Variants in WWC1 observed in about 807,000 individuals in gnomAD.
WWC1 encodes WW and C2 domain containing 1.
In WWC1, 55 loss-of-function variants were observed where a neutral mutation model predicts 138.4. That is an observed-to-expected ratio of 0.40 (90% confidence interval 0.32 to 0.50). The LOEUF (loss-of-function observed/expected upper bound fraction) is 0.50, where lower values mean the gene tolerates loss of function less well. Among genes scored for constraint, WWC1 ranks in the 20% least tolerant of loss-of-function variants. WWC1 has a pLI of 0.72. For missense variants in WWC1, 1,226 were observed against 1,420.4 expected (o/e 0.86, Z 2.20); for synonymous variants, 524 against 564.9 (o/e 0.93, Z 1.03).
chr5:168,422,047 A>C lies in WWC1; in HGVS notation c.1224A>C (p.Glu408Asp). The C allele has an allele frequency of 6.2e-7, 1 of 1,612,640 alleles. No homozygotes were observed. The highest frequency in any genetic ancestry group is 8.5e-7 in the Non-Finnish European group (1 of 1,179,134). ...GTAAGAGGAACCAGCTTGTGAGAGA[A>C]CTGGAGGAAGCCACCCGGCAGGTGG... ...LNSKRNQLVR[E>D]LEEATRQVAT... is the part of the protein sequence containing the mutation. Residue 408 changes from glutamate to aspartate, a missense_variant, in exon 10 of 23, where the codon GAA (glutamate) becomes GAC (aspartate). This residue lies in a region of WWC1 where 1,016 missense variants were observed against 1,153.9 expected (regional missense o/e 0.88). Transcript: ENST00000265293.
chr5:168,374,616 G>C (rs1777032854), intron 2 of WWC1, among the ~76,000 whole-genome samples: 1 of 152,222 alleles, frequency 6.6e-6, no homozygotes, highest in Admixed American at 6.5e-5. Flanking sequence ...TCAGGCAGTG[G>C]TCTGCCCCAG....
At chr5:168,387,495 T>C (rs759697997) in intron 3 of WWC1, among the ~76,000 whole-genome samples, 11 of 152,212 alleles carry the variant, frequency 7.2e-5, no homozygotes, top group Non-Finnish European at 1.3e-4. Context: ...GCACTTAATC[T>C]GTCTTAGTCG....
intron 3 of WWC1, among the ~76,000 whole-genome samples, chr5:168,391,092 A>G (rs1778449561): frequency 6.6e-6 from 1 of 152,210 alleles, no homozygotes; most frequent in Non-Finnish European, 1.5e-5. Context: ...GTCAAATGCT[A>G]AGGCTCTTCA....
chr5:168,335,516 C>T (rs532937458), intron 1 of WWC1, among the ~76,000 whole-genome samples: 40 of 152,330 alleles, frequency 2.6e-4, no homozygotes, highest in Non-Finnish European at 5.4e-4. Flanking sequence ...CTTTGTGTAT[C>T]TCATTTGAGC....
In WWC1 at chr5:168,431,360, A is replaced by G. The variant is rs1781921464; in HGVS notation, c.2196A>G (p.Val732=). Residue 732 remains valine, a synonymous_variant, in exon 15 of 23, where the codon GTA becomes GTG. Coordinates refer to ENST00000265293, the MANE Select transcript of WWC1 (RefSeq NM_015238.3). ...TAGTGTTCAATGAGGTGTTCTGGGT[A>G]TCCATGTCCTATCCAGCCCTTCACC... ...DTLVFNEVFW[V]SMSYPALHQK... 1 of 1,614,022 alleles carries G rather than the reference A, an allele frequency of 6.2e-7. No individual in the cohort carries two copies. The highest frequency in any genetic ancestry group is 8.5e-7 in the Non-Finnish European group (1 of 1,180,002).
At position 168,371,507 on chromosome 5, in the gene WWC1, G is replaced by C; in HGVS notation, c.203G>C (p.Gly68Ala). 1 of 1,614,012 alleles carries C rather than the reference G, an allele frequency of 6.2e-7. No homozygotes were observed. The highest frequency in any genetic ancestry group is 8.5e-7 in the Non-Finnish European group (1 of 1,179,972). ...GAAGAGGCATATGACCCACAGGTTG[G>C]AGATTACTTCATAGACCACAACACC... ...GWEEAYDPQV[G>A]DYFIDHNTKT... Residue 68 changes from glycine (G) to alanine (A), a missense_variant, in exon 2 of 23, where the codon GGA becomes GCA. Gly to Ala is a moderately conservative substitution (Grantham distance 60). Transcript: ENST00000265293.
intron 15 of WWC1, among the ~76,000 whole-genome samples, chr5:168,439,844 C>A (rs7712789): frequency 6.6e-6 from 1 of 152,004 alleles, no homozygotes; most frequent in Non-Finnish European, 1.5e-5. Flanking sequence ...TTTACATTTC[C>A]ACGAGCAAGG....
At chr5:168,415,813 G>GGGGGGTGTGTGT (rs1561732878) in intron 9 of WWC1, 1 of 10,746 alleles carries the variant, frequency 9.3e-5, no homozygotes, top group Non-Finnish European at 3.2e-4. Flanking sequence ...GGGGGGGGGG[G>GGGGGGTGTGTGT]GCGTGTGTGT....
At chr5:168,336,614 A>C (rs1478419752) in intron 1 of WWC1, among the ~76,000 whole-genome samples, 1 of 147,658 alleles carries the variant, frequency 6.8e-6, no homozygotes, top group Non-Finnish European at 1.5e-5. Flanking sequence ...TGTGATCTCC[A>C]TCCTCCTCAG....
intron 9 of WWC1, 181 bp downstream of exon 9, chr5:168,414,771 G>A: frequency 1.1e-6 from 1 of 915,288 alleles, no homozygotes; most frequent in South Asian, 2.1e-5. Context: ...GCCATCCAGT[G>A]CGCCAGCTAC....
Position 168,410,305 on chromosome 5 carries a change from T to TTTTGGTTTG in WWC1, c.941+310_941+311insTTTGGTTTG, listed in dbSNP as rs1485229666. 1.5e-5 allele frequency: 5 copies of TTTTGGTTTG among 339,090 alleles called. No individual in the cohort carries two copies. In the East Asian group the frequency reaches 2.9e-4, roughly 20 times the overall value. 21.0% of individuals were successfully genotyped at this position (339,090 alleles called of 1,614,324 possible). Reference sequence around the variant, plus strand: ...CAACCGAGGCTTTCCCATGATCCTGTAAGCATTTTGGTTTGAAGGAGTACA... The same window carrying TTTTGGTTTG: ...CAACCGAGGCTTTCCCATGATCCTGTTTTGGTTTGAAGCATTTTGGTTTGAAGGAGTACA... On this transcript the variant is annotated intron_variant, in intron 8 of 22. Coordinates refer to ENST00000265293, the MANE Select transcript of WWC1 (RefSeq NM_015238.3).
chr5:168,322,519 A>C (rs935301914), intron 1 of WWC1, among the ~76,000 whole-genome samples: 1 of 152,224 alleles, frequency 6.6e-6, no homozygotes, highest in African/African-American at 2.4e-5. Context: ...CTAGACTAAA[A>C]GCTTTAAGAG....
At chr5:168,461,387 C>CT (rs1561799330) in intron 20 of WWC1, among the ~76,000 whole-genome samples, 1 of 152,206 alleles carries the variant, frequency 6.6e-6, no homozygotes, top group Non-Finnish European at 1.5e-5. Context: ...AGCGCGTCAT[C>CT]TGACAGGAGT....
intron 17 of WWC1, among the ~76,000 whole-genome samples, chr5:168,449,486 A>G (rs951574767): frequency 6.6e-6 from 1 of 151,960 alleles, no homozygotes; most frequent in Non-Finnish European, 1.5e-5. Flanking sequence ...TTGAGCCCTC[A>G]ATAAATACTG....
At chr5:168,443,737 T>C (rs140234354) in intron 16 of WWC1, among the ~76,000 whole-genome samples, 135 of 152,336 alleles carry the variant, frequency 8.9e-4, no homozygotes, top group African/African-American at 3.2e-3. Context: ...CTTTCCCTTC[T>C]TACAAGAAAA....
chr5:168,314,931 C>T (rs1771443757), intron 1 of WWC1, among the ~76,000 whole-genome samples: 1 of 152,182 alleles, frequency 6.6e-6, no homozygotes, highest in Admixed American at 6.5e-5. Context: ...AGCATTTTAT[C>T]GGAAGCACGG....
At chr5:168,397,885 G>T in intron 4 of WWC1, 85 bp downstream of exon 4, 2 of 1,453,696 alleles carry the variant, frequency 1.4e-6, no homozygotes, top group African/African-American at 2.8e-5. Context: ...GACCAGAACA[G>T]ATGCTCCAGC....
chr5:168,368,260 C>T (rs917159085), intron 1 of WWC1, among the ~76,000 whole-genome samples: 2 of 152,056 alleles, frequency 1.3e-5, no homozygotes, highest in Admixed American at 1.3e-4. Flanking sequence ...CTGGCCAGAA[C>T]ACTTCATCTT....
intron 15 of WWC1, among the ~76,000 whole-genome samples, chr5:168,436,499 C>T (rs115297877): frequency 0.016 from 2,454 of 152,272 alleles, 84 homozygotes; most frequent in African/African-American, 0.056. Context: ...AAGTGCAGGG[C>T]TCCAGCATGG....
Sources: allele counts gnomAD v4.1 joint callset (sites outside exome capture counted in the v4.1 genomes callset), GRCh38; gene constraint gnomAD v4.1.1; regional missense constraint gnomAD v4.1.1; transcripts MANE v1.5; gene names NCBI Gene and HGNC (gene_info 2026-07-23, HGNC 2026-07-21).